DNAJB6: variants seen among roughly 807,000 people sequenced by gnomAD.
DNAJB6 encodes the protein dnaJ homolog subfamily B member 6.
A neutral mutation model predicts 42.7 loss-of-function variants in DNAJB6; 16 were observed. That is an observed-to-expected ratio of 0.37 (90% confidence interval 0.25 to 0.57). The LOEUF (loss-of-function observed/expected upper bound fraction) is 0.57, where lower values mean the gene tolerates loss of function less well. Among genes scored for constraint, DNAJB6 ranks in the 20% least tolerant of loss-of-function variants. The pLI, the probability that DNAJB6 is intolerant of heterozygous loss-of-function variation, is 0.74. For synonymous variants in DNAJB6, 170 were observed against 163.5 expected (o/e 1.04, Z -0.30); for missense variants, 347 against 416.8 (o/e 0.83, Z 1.46).
intron 8 of DNAJB6, among the ~76,000 whole-genome samples, chr7:157,397,548 T>G (rs1056666179): frequency 3.3e-5 from 5 of 152,198 alleles, no homozygotes; most frequent in African/African-American, 1.2e-4. Context: ...TCCTCCTCAT[T>G]GTCCTCAGCC....
At chr7:157,369,157 G>A (rs1228465593) in intron 5 of DNAJB6, 7 of 401,840 alleles carry the variant, frequency 1.7e-5, no homozygotes, top group Admixed American at 2.8e-5. Flanking sequence ...CGTGCTCATC[G>A]TTTAAGTGCA....
At chr7:157,363,869 C>T (rs1312285793) in intron 3 of DNAJB6, among the ~76,000 whole-genome samples, 3 of 152,022 alleles carry the variant, frequency 2.0e-5, no homozygotes, top group South Asian at 4.1e-4. Flanking sequence ...TAGATGCAGT[C>T]AGGGTTCCAT....
chr7:157,349,725 A>G lies in DNAJB6; in HGVS notation c.-26-8822A>G, dbSNP rs140824616. ...AGTGGCATGATCTCAGCTCACTGCAACCTCCGCCTCCCGGGTTCAAGCAAT... is the reference window on the plus strand; with the variant it reads ...AGTGGCATGATCTCAGCTCACTGCAGCCTCCGCCTCCCGGGTTCAAGCAAT... On this transcript the variant is annotated intron_variant, in intron 1 of 9. Coordinates refer to ENST00000262177, the MANE Select transcript of DNAJB6 (RefSeq NM_058246.4). Among the ~76,000 whole-genome samples the G allele has an allele frequency of 4.3e-3, 661 of 152,050 alleles. 6 individuals are homozygous for G. Among genetic ancestry groups the G allele is most frequent in the African/African-American group, 0.015 (620 of 41,486 alleles).
chr7:157,388,638 TGG>T (rs35379241), intron 8 of DNAJB6, among the ~76,000 whole-genome samples: 1 of 143,612 alleles, frequency 7.0e-6, no homozygotes, highest in Non-Finnish European at 1.5e-5. Context: ...CAATAGCTTT[TGG>T]GGGGGGGGTA....
chr7:157,385,491 C>T (rs1801005563), intron 7 of DNAJB6, 50 bp from the exon 8 acceptor site: 1 of 1,580,786 alleles, frequency 6.3e-7, no homozygotes, highest in Admixed American at 1.8e-5. Context: ...TACCCTCACA[C>T]ATGCATTTTC....
intron 9 of DNAJB6, 129 bp downstream of exon 9, chr7:157,410,130 G>A (rs1795922852): frequency 7.1e-7 from 1 of 1,413,740 alleles, no homozygotes; most frequent in African/African-American, 1.5e-5. Context: ...CGGTCGGGCG[G>A]GGCGGGAGGA....
chr7:157,416,078 T>C lies in DNAJB6; in HGVS notation c.961T>C (p.Ser321Pro), dbSNP rs147168661. 2.9e-4 allele frequency: 462 copies of C among 1,613,910 alleles called. 1 individual carries two copies. The African/African-American group carries it at 5.5e-3, about 19-fold the overall frequency. Residue 321 changes from serine to proline, a missense_variant, in exon 10 of 10, where the codon TCG becomes CCG. Coordinates refer to ENST00000262177, the MANE Select transcript of DNAJB6 (RefSeq NM_058246.4). ...GAGAGAGGAGTCGAAGAAGAAGAAGTCGACCAAAGGCAATCACTAGACCGG... is the reference window on the plus strand; with the variant it reads ...GAGAGAGGAGTCGAAGAAGAAGAAGCCGACCAAAGGCAATCACTAGACCGG... ...KQREESKKKK[S>P]TKGNH
rs567064713 is a variant in DNAJB6, at chr7:157,346,687, T to C, written c.-27+9543T>C. On this transcript the variant is annotated intron_variant, in intron 1 of 9. Coordinates refer to ENST00000262177, the MANE Select transcript of DNAJB6 (RefSeq NM_058246.4). ...AAATTTGAATGCAGGTAACCTTTCATGGAGTTTGTCAAATTTTAAATTGTG... is the reference window on the plus strand; with the variant it reads ...AAATTTGAATGCAGGTAACCTTTCACGGAGTTTGTCAAATTTTAAATTGTG... Among the ~76,000 whole-genome samples, 3 of 152,348 alleles carry C rather than the reference T, an allele frequency of 2.0e-5. No individual in the cohort carries two copies. In the East Asian group the frequency reaches 5.8e-4, roughly 29 times the overall value.
chr7:157,401,899 G>A (rs1795535264), intron 8 of DNAJB6, among the ~76,000 whole-genome samples: 1 of 152,188 alleles, frequency 6.6e-6, no homozygotes, highest in Non-Finnish European at 1.5e-5. Flanking sequence ...CCTTCTCTCT[G>A]TTGCAGAGGC....
chr7:157,411,781 G>C (rs1406947624), intron 9 of DNAJB6: 2 of 152,192 alleles, frequency 1.3e-5, no homozygotes, highest in South Asian at 4.1e-4. Flanking sequence ...AGAACTGGGC[G>C]GGTCTTCTCC....
At chr7:157,371,373 T>A (rs1397439320) in intron 5 of DNAJB6, among the ~76,000 whole-genome samples, 1 of 152,246 alleles carries the variant, frequency 6.6e-6, no homozygotes, top group African/African-American at 2.4e-5. Flanking sequence ...ACTTCAGACC[T>A]CCCTCATGAT....
At position 157,407,099 on chromosome 7, in the gene DNAJB6, T is replaced by TG. The variant is rs775779480; in HGVS notation, c.692-2688dup. Among the ~76,000 whole-genome samples, 263 of 151,622 alleles carry TG rather than the reference T, an allele frequency of 1.7e-3. 1 individual carries two copies. The highest frequency in any genetic ancestry group is 0.014 in the Middle Eastern group (4 of 292). ...AGGGGTGCGGGGAACAGCTGGGAGGTGGGGGGGGTCCCAACCGCAGCTGAG... is the reference window on the plus strand; with the variant it reads ...AGGGGTGCGGGGAACAGCTGGGAGGTGGGGGGGGGTCCCAACCGCAGCTGAG... On this transcript the variant is annotated intron_variant, in intron 8 of 9. Coordinates refer to ENST00000262177, the MANE Select transcript of DNAJB6 (RefSeq NM_058246.4).
chr7:157,386,990 T>C (rs1239439535), intron 8 of DNAJB6, among the ~76,000 whole-genome samples: 6 of 152,148 alleles, frequency 3.9e-5, no homozygotes, highest in African/African-American at 1.4e-4. Flanking sequence ...GTAGTGAATA[T>C]TGAACTAGAC....
intron 8 of DNAJB6, among the ~76,000 whole-genome samples, chr7:157,409,080 C>G (rs182326910): frequency 2.0e-4 from 31 of 152,372 alleles, no homozygotes; most frequent in African/African-American, 7.5e-4. Context: ...GGAGAACATT[C>G]TGTGAATATT....
chr7:157,340,247 A>G (rs1262018157), intron 1 of DNAJB6, among the ~76,000 whole-genome samples: 1 of 152,216 alleles, frequency 6.6e-6, no homozygotes, highest in African/African-American at 2.4e-5. Context: ...TTCCTCAGAA[A>G]TGATTCTGTT....
intron 7 of DNAJB6, 45 bp downstream of exon 7, chr7:157,385,053 A>G: frequency 6.3e-7 from 1 of 1,587,106 alleles, no homozygotes. Context: ...AGCAGGCGTA[A>G]CGTTTCACTG....
chr7:157,385,369 A>G (rs559601727), intron 7 of DNAJB6, among the ~76,000 whole-genome samples, 172 bp from the exon 8 acceptor site: 9 of 152,300 alleles, frequency 5.9e-5, no homozygotes, highest in African/African-American at 1.7e-4. Context: ...GGTTAATTCT[A>G]TTTTAGGAAA....
chr7:157,385,526 AT>A lies in DNAJB6; in HGVS notation c.621-8del. On this transcript the variant is annotated splice_polypyrimidine_tract_variant and intron_variant, in intron 7 of 9. Transcript: ENST00000262177. ...CTTTACCAGAAAGGTTTTTAAATGA[AT>A]TTTTTTCCTACAGAATTGTCGAGAA... 2 of 1,609,332 alleles carry A rather than the reference AT, an allele frequency of 1.2e-6. No individual in the cohort carries two copies. The highest frequency in any genetic ancestry group is 1.7e-6 in the Non-Finnish European group (2 of 1,178,658).
intron 3 of DNAJB6, among the ~76,000 whole-genome samples, chr7:157,363,982 G>C (rs1563123569): frequency 6.6e-6 from 1 of 152,204 alleles, no homozygotes; most frequent in Non-Finnish European, 1.5e-5. Context: ...GTGGCCTGTT[G>C]TGAGCAAAGG....
Sources: gnomAD v4.1 joint callset for allele counts (sites outside exome capture counted in the v4.1 genomes callset) on GRCh38, gnomAD v4.1.1 for gene constraint, MANE v1.5 for transcripts, NCBI Gene and HGNC (gene_info 2026-07-23, HGNC 2026-07-21) for gene names.